ZBTB44: variants seen among roughly 807,000 people sequenced by gnomAD.
ZBTB44 encodes zinc finger and BTB domain-containing protein 44.
A neutral mutation model predicts 54.0 loss-of-function variants in ZBTB44; 15 were observed. That is an observed-to-expected ratio of 0.28 (90% CI 0.19 to 0.43). The LOEUF (loss-of-function observed/expected upper bound fraction) is 0.43, where lower values mean the gene tolerates loss of function less well. Among genes scored for constraint, ZBTB44 ranks in the 20% least tolerant of loss-of-function variants. The pLI, the probability that ZBTB44 is intolerant of heterozygous loss-of-function variation, is 1.00. For missense variants in ZBTB44, 487 were observed against 707.1 expected (o/e 0.69, Z 3.53); for synonymous variants, 230 against 250.1 (o/e 0.92, Z 0.76).
rs558936475 is a variant in ZBTB44, at chr11:130,242,490, C to CT, written c.1019-2595dup. 1.6e-3 allele frequency among the ~76,000 whole-genome samples: 239 copies of CT among 152,208 alleles called. 5 individuals are homozygous for CT. In the South Asian group the frequency reaches 0.035, roughly 22 times the overall value. ...TCTGCCAAAAGTCCATTCTTTATAA[C>CT]TTTTTTGGCAATGATTTGCTGATGA... On this transcript the variant is annotated intron_variant, in intron 2 of 7. Coordinates refer to ENST00000357899, the MANE Select transcript of ZBTB44 (RefSeq NM_001301098.2).
chr11:130,276,441 TC>T lies in ZBTB44; in HGVS notation c.-56-14513del, dbSNP rs552981937. The stretch of plus-strand genomic sequence containing the variant: ...ATTTTCTATACGTTTCTTTTTTTTT[TC>T]TTTTTTTTTTGAGACAGAGTCTTGC... On this transcript the variant is annotated intron_variant, in intron 1 of 7. Transcript: ENST00000357899. Among the ~76,000 whole-genome samples the T allele has an allele frequency of 4.8e-3, 731 of 151,152 alleles. 9 individuals carry two copies. The highest frequency in any genetic ancestry group is 0.017 in the African/African-American group (711 of 41,000).
intron 2 of ZBTB44, among the ~76,000 whole-genome samples, chr11:130,243,598 C>T (rs1387172410): frequency 2.6e-5 from 4 of 152,198 alleles, no homozygotes; most frequent in African/African-American, 9.6e-5. Flanking sequence ...GGACAGGGAG[C>T]AGGTTTAGTT....
chr11:130,281,604 G>T (rs547865186), intron 1 of ZBTB44, among the ~76,000 whole-genome samples: 1 of 151,602 alleles, frequency 6.6e-6, no homozygotes, highest in Non-Finnish European at 1.5e-5. Context: ...TGTTTTTTGG[G>T]GGGGGGATGG....
chr11:130,275,910 G>GCCA (rs1223053677), intron 1 of ZBTB44, among the ~76,000 whole-genome samples: 1 of 149,634 alleles, frequency 6.7e-6, no homozygotes, highest in African/African-American at 2.4e-5. Context: ...ACAGGCATGA[G>GCCA]CCACCGCGCC....
In ZBTB44 at chr11:130,261,333, G is replaced by A. The variant is rs191469238; in HGVS notation, c.541C>T (p.Arg181Trp). Residue 181 changes from arginine to tryptophan, a missense_variant, in exon 2 of 8, where the codon CGG becomes TGG. Arg to Trp is a moderately radical substitution (Grantham distance 101, BLOSUM62 -3). Coordinates refer to ENST00000357899, the MANE Select transcript of ZBTB44 (RefSeq NM_001301098.2). The surrounding 1 kb of genome is among the most constrained non-coding windows in gnomAD (Gnocchi z 4.8). ...ERTIPVCRES[R>W]RKRKSYIVMS... ...ACAATGTAGCTTTTGCGCTTTCTCC[G>A]GGATTCTCGGCAGACAGGAATGGTT... The A allele has an allele frequency of 8.7e-6, 14 of 1,613,894 alleles. No homozygotes were observed. The highest frequency in any genetic ancestry group is 1.3e-5 in the African/African-American group (1 of 75,034).
At chr11:130,271,710 T>A (rs1939684321) in intron 1 of ZBTB44, among the ~76,000 whole-genome samples, 1 of 152,198 alleles carries the variant, frequency 6.6e-6, no homozygotes. Flanking sequence ...ATTCCGCATT[T>A]TTATTATCTA....
intron 1 of ZBTB44, among the ~76,000 whole-genome samples, chr11:130,295,151 A>C (rs1941563653): frequency 6.6e-6 from 1 of 152,144 alleles, no homozygotes. Flanking sequence ...ACCAGAACCT[A>C]AAGTTGCAGG....
chr11:130,270,717 C>G (rs1315892008), intron 1 of ZBTB44, among the ~76,000 whole-genome samples: 1 of 152,144 alleles, frequency 6.6e-6, no homozygotes. Context: ...GTGGGTGGAA[C>G]AGTAGCTAAA....
At chr11:130,292,172 T>TA (rs1565681290) in intron 1 of ZBTB44, among the ~76,000 whole-genome samples, 1 of 152,254 alleles carries the variant, frequency 6.6e-6, no homozygotes, top group Non-Finnish European at 1.5e-5. Flanking sequence ...TAATTGTTGA[T>TA]AGACTTGAGT....
rs546729421 is a variant in ZBTB44, at chr11:130,256,028, C to T, written c.1018+4828G>A. Among the ~76,000 whole-genome samples the T allele has an allele frequency of 5.8e-4, 88 of 151,976 alleles. 1 individual carries two copies. The highest frequency in any genetic ancestry group is 5.8e-3 in the Admixed American group (88 of 15,254). The stretch of plus-strand genomic sequence containing the variant: ...TCACAGCTGAATTCTACCAAAGGTA[C>T]GAAGAGAAGCTGGTACCATTCCTAA... On this transcript the variant is annotated intron_variant, in intron 2 of 7. Coordinates refer to ENST00000357899, the MANE Select transcript of ZBTB44 (RefSeq NM_001301098.2).
At chr11:130,306,463 C>T (rs554176631) in intron 1 of ZBTB44, among the ~76,000 whole-genome samples, 1 of 151,716 alleles carries the variant, frequency 6.6e-6, no homozygotes, top group East Asian at 1.9e-4. Flanking sequence ...GATTGCGCCA[C>T]TGCACTCCAA....
At chr11:130,276,442 CT>C (rs1167976092) in intron 1 of ZBTB44, among the ~76,000 whole-genome samples, 8 of 138,502 alleles carry the variant, frequency 5.8e-5, no homozygotes, top group Admixed American at 1.4e-4. Flanking sequence ...TTTTTTTTTT[CT>C]TTTTTTTTTG....
At chr11:130,297,189 T>C (rs750243097) in intron 1 of ZBTB44, among the ~76,000 whole-genome samples, 2 of 152,250 alleles carry the variant, frequency 1.3e-5, no homozygotes, top group African/African-American at 2.4e-5. Flanking sequence ...TTGCAAGCAC[T>C]GAGCACTGTA....
intron 1 of ZBTB44, among the ~76,000 whole-genome samples, chr11:130,308,482 T>C (rs1376164841): frequency 1.3e-4 from 20 of 152,226 alleles, no homozygotes; most frequent in Admixed American, 1.3e-3. Context: ...CATTTAATGC[T>C]TTTAGATACC....
chr11:130,313,930 GTGTGTGTT>G (rs1942772431), intron 1 of ZBTB44, among the ~76,000 whole-genome samples: 3 of 94,848 alleles, frequency 3.2e-5, no homozygotes, highest in Admixed American at 1.4e-4. Flanking sequence ...GTGTATGTGT[GTGTGTGTT>G]TGTGTGTGTG....
intron 1 of ZBTB44, among the ~76,000 whole-genome samples, chr11:130,283,000 T>TA (rs971474244): frequency 1.3e-5 from 2 of 148,250 alleles, no homozygotes; most frequent in African/African-American, 2.5e-5. Context: ...TAATTGTGGT[T>TA]AAAAAAAATA....
chr11:130,252,058 A>C lies in ZBTB44; in HGVS notation c.1018+8798T>G, dbSNP rs1461125683. On this transcript the variant is annotated intron_variant, in intron 2 of 7. Coordinates refer to ENST00000357899, the MANE Select transcript of ZBTB44 (RefSeq NM_001301098.2). ...GTGGGTCAAAGACACACATAGACTC[A>C]AAATAAAGGAATGGAGGAATATTTA... Among the ~76,000 whole-genome samples, 5 of 152,218 alleles carry C rather than the reference A, an allele frequency of 3.3e-5. No individual in the cohort carries two copies. The East Asian group carries it at 9.6e-4, about 29-fold the overall frequency.
chr11:130,241,166 T>A (rs1954346990), intron 2 of ZBTB44, among the ~76,000 whole-genome samples: 3 of 152,238 alleles, frequency 2.0e-5, no homozygotes, highest in African/African-American at 7.2e-5. Flanking sequence ...GTGAATATCC[T>A]TAATGCACAT....
At chr11:130,260,252 G>C (rs948671248) in intron 2 of ZBTB44, among the ~76,000 whole-genome samples, 16 of 152,134 alleles carry the variant, frequency 1.1e-4, no homozygotes, top group Admixed American at 1.0e-3. Context: ...AACACACAAT[G>C]CTCTTCCATA....
Sources: gnomAD v4.1 joint callset for allele counts (sites outside exome capture counted in the v4.1 genomes callset) on GRCh38, gnomAD v4.1.1 for gene constraint, Gnocchi (gnomAD v3.1) non-coding constraint, MANE v1.5 for transcripts, NCBI Gene and HGNC (gene_info 2026-07-23, HGNC 2026-07-21) for gene names.